The following MTMR7 variants were observed in gnomAD, a reference collection of about 807,000 sequenced individuals.
MTMR7 encodes myotubularin related protein 7.
Under a neutral mutation model 81.2 loss-of-function variants are expected in MTMR7, and 76 were observed. The observed-to-expected ratio is 0.94, with a 90% CI of 0.78 to 1.13. The LOEUF (loss-of-function observed/expected upper bound fraction) is 1.13, where lower values mean the gene tolerates loss of function less well. MTMR7 is among the 50% of genes most tolerant of loss of function. The pLI is 0.00. For synonymous variants in MTMR7, 372 were observed against 289.8 expected, an observed-to-expected ratio of 1.28 and a Z score of -2.88; for missense variants, 1,044 against 820.0, an observed-to-expected ratio of 1.27 and a Z score of -3.34.
At chr8:17,330,120 T>A (rs1818920525) in intron 7 of MTMR7, among the ~76,000 whole-genome samples, 1 of 152,230 alleles carries the variant, frequency 6.6e-6, no homozygotes, top group South Asian at 2.1e-4. Flanking sequence ...GGAAACAGAA[T>A]GGAAATTAGG....
At chr8:17,392,821 A>G (rs1012519942) in intron 1 of MTMR7, among the ~76,000 whole-genome samples, 3 of 152,224 alleles carry the variant, frequency 2.0e-5, no homozygotes, top group African/African-American at 7.2e-5. Flanking sequence ...AAATGTTTGG[A>G]TTTAGAAAAT....
intron 1 of MTMR7, among the ~76,000 whole-genome samples, chr8:17,391,041 G>A (rs560056445): frequency 6.6e-6 from 1 of 152,168 alleles, no homozygotes; most frequent in South Asian, 2.1e-4. Context: ...GCCAGCCATG[G>A]GGGTATCTGG....
chr8:17,370,945 C>T, intron 3 of MTMR7, 92 bp downstream of exon 3: 1 of 1,297,014 alleles, frequency 7.7e-7, no homozygotes, highest in Admixed American at 2.0e-5. Context: ...CCCTGAACCC[C>T]TATCATTCCT....
Position 17,398,796 on chromosome 8 carries a change from T to C in MTMR7, c.24+14473A>G, listed in dbSNP as rs938890994. ...CATAGTACAATAAGACATCAAGAGATGCAACAAAAAAGTTAAAAAGAAGGG... is the reference window on the plus strand; with the variant it reads ...CATAGTACAATAAGACATCAAGAGACGCAACAAAAAAGTTAAAAAGAAGGG... On this transcript the variant is annotated intron_variant, in intron 1 of 13. Transcript: ENST00000180173. Among the ~76,000 whole-genome samples the C allele has an allele frequency of 5.3e-5, 8 of 151,368 alleles. 1 individual carries two copies. Among genetic ancestry groups the C allele is most frequent in the Admixed American group, 4.6e-4 (7 of 15,170 alleles).
chr8:17,304,573 T>A, intron 11 of MTMR7, 54 bp from the exon 12 acceptor site: 1 of 1,548,028 alleles, frequency 6.5e-7, no homozygotes, highest in Non-Finnish European at 8.9e-7. Flanking sequence ...TTACACACAG[T>A]AGATATGTTA....
At chr8:17,360,402 C>G (rs1820022227) in intron 4 of MTMR7, among the ~76,000 whole-genome samples, 1 of 150,874 alleles carries the variant, frequency 6.6e-6, no homozygotes, top group African/African-American at 2.4e-5. Flanking sequence ...AGTTATCAAA[C>G]TATACAGATG....
At chr8:17,375,497 A>C (rs1041437603) in intron 1 of MTMR7, among the ~76,000 whole-genome samples, 19 of 118,568 alleles carry the variant, frequency 1.6e-4, no homozygotes, top group African/African-American at 5.8e-4. Flanking sequence ...TTTTTTTTTT[A>C]CAAGAATTCT....
chr8:17,323,797 C>T (rs569646548), intron 7 of MTMR7, among the ~76,000 whole-genome samples: 48 of 152,272 alleles, frequency 3.2e-4, no homozygotes, highest in Admixed American at 1.9e-3. Context: ...CTCCTTTTAT[C>T]ACTAACATTA....
rs1253193623 is a variant in MTMR7 at position 17,297,634 on chromosome 8, A to G, written c.*2228T>C. The G allele has an allele frequency of 2.6e-5, 4 of 152,028 alleles. No homozygotes were observed. Among genetic ancestry groups the G allele is most frequent in the Admixed American group, 2.0e-4 (3 of 15,256 alleles). 9.4% of individuals were successfully genotyped at this position (152,028 alleles called of 1,614,324 possible). A position where few individuals can be genotyped will look rare whatever the true frequency, so the allele number is the denominator to read the frequency against. On this transcript the variant is annotated 3_prime_UTR_variant, in exon 14 of 14. Transcript: ENST00000180173. ...CTAATTGGGAAGTAATATGCCTCAA[A>G]TCAGTTTTATACTGGATTATTCCCT...
intron 1 of MTMR7, among the ~76,000 whole-genome samples, chr8:17,387,654 G>A (rs968103927): frequency 6.6e-6 from 1 of 152,176 alleles, no homozygotes; most frequent in Non-Finnish European, 1.5e-5. Context: ...CCACATGGGA[G>A]GTACTTGGGG....
rs1320798373 is a variant in MTMR7 at position 17,297,824 on chromosome 8, A to G, written c.*2038T>C. 2 of 150,206 alleles carry G rather than the reference A, an allele frequency of 1.3e-5. No individual in the cohort carries two copies. The highest frequency in any genetic ancestry group is 1.3e-4 in the Admixed American group (2 of 14,850). The allele number at this position is 150,206 out of a possible 1,614,324, so 9.3% of individuals were successfully genotyped here. A position where few individuals can be genotyped will look rare whatever the true frequency, so the allele number is the denominator to read the frequency against. ...ATAAGCAATAAATGTAACCTTTTAT[A>G]TAAATCTCAGTGCTAGGTTAACTTC... is the stretch of plus-strand genomic sequence containing the variant. On this transcript the variant is annotated 3_prime_UTR_variant, in exon 14 of 14. Coordinates refer to ENST00000180173, the MANE Select transcript of MTMR7 (RefSeq NM_004686.5).
intron 1 of MTMR7, among the ~76,000 whole-genome samples, chr8:17,377,511 T>G (rs1820626536): frequency 6.6e-6 from 1 of 152,112 alleles, no homozygotes; most frequent in African/African-American, 2.4e-5. Context: ...TTATTTTTCT[T>G]TTCTACTTTG....
chr8:17,309,448 A>C, intron 9 of MTMR7, 122 bp from the exon 10 acceptor site: 1 of 709,740 alleles, frequency 1.4e-6, no homozygotes, highest in Non-Finnish European at 2.5e-6. Flanking sequence ...AGTAACCTGC[A>C]AATGCATGAA....
chr8:17,313,930 G>A (rs753106670), intron 7 of MTMR7, among the ~76,000 whole-genome samples: 1 of 152,170 alleles, frequency 6.6e-6, no homozygotes, highest in Non-Finnish European at 1.5e-5. Flanking sequence ...CCCACCCAAT[G>A]GGAGTAAGGC....
chr8:17,331,629 C>T (rs568844793), intron 6 of MTMR7, among the ~76,000 whole-genome samples: 1 of 152,338 alleles, frequency 6.6e-6, no homozygotes, highest in South Asian at 2.1e-4. Context: ...TAATACCACA[C>T]ATAACCGGTA....
intron 1 of MTMR7, among the ~76,000 whole-genome samples, chr8:17,386,395 T>C: frequency 6.6e-6 from 1 of 152,058 alleles, no homozygotes; most frequent in Non-Finnish European, 1.5e-5. Context: ...AAACAAAAAG[T>C]TCCTAACTGG....
chr8:17,404,146 A>G (rs957095142), intron 1 of MTMR7, among the ~76,000 whole-genome samples: 13 of 152,322 alleles, frequency 8.5e-5, no homozygotes, highest in African/African-American at 2.9e-4. Flanking sequence ...GGGAGTGGCA[A>G]AAATGGAAAG....
chr8:17,374,598 CGACAGAGT>C (rs1820517097), intron 1 of MTMR7, among the ~76,000 whole-genome samples: 2 of 151,504 alleles, frequency 1.3e-5, no homozygotes, highest in African/African-American at 4.9e-5. Context: ...CGTAGCCTGG[CGACAGAGT>C]GAGACTCCAT....
intron 4 of MTMR7, 116 bp downstream of exon 4, chr8:17,361,001 A>G: frequency 8.6e-7 from 1 of 1,157,414 alleles, no homozygotes; most frequent in Admixed American, 2.2e-5. Flanking sequence ...CTGGAAATCC[A>G]CATATGGATA....
Sources: gnomAD v4.1 joint callset for allele counts (sites outside exome capture counted in the v4.1 genomes callset) on GRCh38, gnomAD v4.1.1 for gene constraint, MANE v1.5 for transcripts, NCBI Gene and HGNC (gene_info 2026-07-23, HGNC 2026-07-21) for gene names.